Variants in DEFB112 observed in about 807,000 individuals in gnomAD.
DEFB112 encodes the protein beta-defensin 112.
In DEFB112, 2 loss-of-function variants were observed where a neutral mutation model predicts 1.1. The ratio of observed to expected loss-of-function variants is 1.85; its 90% confidence interval spans 0.76 to 5.83. DEFB112 has a LOEUF of 5.83. Among genes scored for constraint, DEFB112 ranks in the 30% most tolerant of loss-of-function variants. The pLI is 0.05. For synonymous variants in DEFB112, 40 were observed against 31.2 expected, an observed-to-expected ratio of 1.28 and a Z score of -0.93; for missense variants, 120 against 94.4, an observed-to-expected ratio of 1.27 and a Z score of -1.12.
Position 50,042,323 on chromosome 6 carries a change from C to T in DEFB112, c.*1252G>A, listed in dbSNP as rs187162154. ...CATATATAATTTGGACACCCAGATG[C>T]TTTTCCCTATGTGCCCAGGTACTGT... On this transcript the variant is annotated 3_prime_UTR_variant, in exon 2 of 2. Transcript: ENST00000651554. Among the ~76,000 whole-genome samples, 2 of 152,098 alleles carry T rather than the reference C, an allele frequency of 1.3e-5. No homozygotes were observed. The highest frequency in any genetic ancestry group is 1.3e-4 in the Admixed American group (2 of 15,250).
At chr6:50,045,804 T>A (rs1345016309) in intron 1 of DEFB112, among the ~76,000 whole-genome samples, 2 of 152,154 alleles carry the variant, frequency 1.3e-5, no homozygotes, top group Non-Finnish European at 2.9e-5. Flanking sequence ...TAATGGTAAG[T>A]ATTTATGTAT....
At chr6:50,044,461 A>G (rs1774801811) in intron 1 of DEFB112, among the ~76,000 whole-genome samples, 1 of 152,078 alleles carries the variant, frequency 6.6e-6, no homozygotes, top group South Asian at 2.1e-4. Flanking sequence ...CCAATGCTAT[A>G]GAAAATTTTT....
At chr6:50,045,686 C>A (rs1175175513) in intron 1 of DEFB112, among the ~76,000 whole-genome samples, 1 of 152,116 alleles carries the variant, frequency 6.6e-6, no homozygotes, top group African/African-American at 2.4e-5. Flanking sequence ...TTACACAAAT[C>A]TAGATGGTAC....
intron 1 of DEFB112, among the ~76,000 whole-genome samples, chr6:50,047,694 C>G (rs1258312192): frequency 2.0e-5 from 3 of 152,154 alleles, no homozygotes; most frequent in African/African-American, 7.2e-5. Flanking sequence ...AGTTCCCAGT[C>G]CCTTATCTAG....
intron 1 of DEFB112, among the ~76,000 whole-genome samples, 173 bp from the exon 2 acceptor site, chr6:50,043,974 T>A (rs1774792275): frequency 6.6e-6 from 1 of 152,084 alleles, no homozygotes; most frequent in African/African-American, 2.4e-5. Context: ...AGTATACAGT[T>A]CCTAAACTGT....
intron 1 of DEFB112, chr6:50,048,537 C>T (rs1853647): frequency 2.5e-6 from 4 of 1,610,132 alleles, no homozygotes; most frequent in Admixed American, 1.7e-5. Context: ...TTTGTTTTAC[C>T]TGTGCTGATT....
Position 50,042,472 on chromosome 6 carries a change from A to T in DEFB112, c.*1103T>A, listed in dbSNP as rs958633740. Among the ~76,000 whole-genome samples, 3 of 152,038 alleles carry T rather than the reference A, an allele frequency of 2.0e-5. 1 individual carries two copies. The highest frequency in any genetic ancestry group is 4.1e-4 in the South Asian group (2 of 4,832). On this transcript the variant is annotated 3_prime_UTR_variant, in exon 2 of 2. Coordinates refer to ENST00000651554, the MANE Select transcript of DEFB112 (RefSeq NM_001369057.2). Reference sequence around the variant, plus strand: ...AAATACCTTGTTACCACATAATTTTAAGTGACTAGCTCCCTTTTCTTCATG... The same window carrying T: ...AAATACCTTGTTACCACATAATTTTTAGTGACTAGCTCCCTTTTCTTCATG...
At chr6:50,046,665 T>C (rs1208577646) in intron 1 of DEFB112, among the ~76,000 whole-genome samples, 1 of 152,154 alleles carries the variant, frequency 6.6e-6, no homozygotes, top group East Asian at 1.9e-4. Context: ...CCTAGCATTT[T>C]CTTATTTATT....
chr6:50,047,538 T>C (rs1774854218), intron 1 of DEFB112, among the ~76,000 whole-genome samples: 1 of 152,202 alleles, frequency 6.6e-6, no homozygotes, highest in African/African-American at 2.4e-5. Flanking sequence ...TCTCACCTGG[T>C]TTCCTTAGCT....
At position 50,043,713 on chromosome 6, in the gene DEFB112, A is replaced by G. The variant is rs1774785762; in HGVS notation, c.147T>C (p.Ser49=). ...TTGCACAGTATGAAATCCTAAATTCACTATCATCACATTGATTTTTACATC... is the reference window on the plus strand; with the variant it reads ...TTGCACAGTATGAAATCCTAAATTCGCTATCATCACATTGATTTTTACATC... ...GGRCKNQCDD[S]EFRISYCARP... Residue 49 remains serine, a synonymous_variant, in exon 2 of 2, where the codon AGT becomes AGC. Transcript: ENST00000651554. 6.2e-7 allele frequency: 1 copy of G among 1,613,390 alleles called. No homozygotes were observed. Among genetic ancestry groups the G allele is most frequent in the Non-Finnish European group, 8.5e-7 (1 of 1,179,590 alleles).
In DEFB112 at chr6:50,042,591, A is replaced by T. The variant is rs1325210712; in HGVS notation, c.*984T>A. ...ACATTCTTTAAGTAATACTTAGCAC[A>T]TACCAAGCCCTGCAAAACCATCACC... On this transcript the variant is annotated 3_prime_UTR_variant, in exon 2 of 2. Transcript: ENST00000651554. 6.6e-6 allele frequency among the ~76,000 whole-genome samples: 1 copy of T among 152,070 alleles called. No individual in the cohort carries two copies. The highest frequency in any genetic ancestry group is 2.4e-5 in the African/African-American group (1 of 41,450).
At position 50,043,142 on chromosome 6, in the gene DEFB112, G is replaced by T. The variant is rs1342377759; in HGVS notation, c.*433C>A. ...CAGGAAGTATAAGCAATATGAGAAA[G>T]TTATGAGGATTTCATAATCCTTCAA... On this transcript the variant is annotated 3_prime_UTR_variant, in exon 2 of 2. Coordinates refer to ENST00000651554, the MANE Select transcript of DEFB112 (RefSeq NM_001369057.2). Among the ~76,000 whole-genome samples, 2 of 152,026 alleles carry T rather than the reference G, an allele frequency of 1.3e-5. No homozygotes were observed. The highest frequency in any genetic ancestry group is 2.1e-4 in the South Asian group (1 of 4,812).
intron 1 of DEFB112, among the ~76,000 whole-genome samples, chr6:50,047,944 G>A (rs945344593): frequency 1.2e-4 from 18 of 151,992 alleles, no homozygotes; most frequent in African/African-American, 3.4e-4. Context: ...TCAGGAGTTC[G>A]CTACCAGCCT....
chr6:50,044,096 A>G (rs187612594), intron 1 of DEFB112, among the ~76,000 whole-genome samples: 2 of 152,130 alleles, frequency 1.3e-5, no homozygotes, highest in African/African-American at 4.8e-5. Context: ...ATTGACTAGA[A>G]CCATTGGATA....
At position 50,045,019 on chromosome 6, in the gene DEFB112, A is replaced by G. The variant is rs533132187; in HGVS notation, c.59-1218T>C. Among the ~76,000 whole-genome samples the G allele has an allele frequency of 2.6e-5, 4 of 152,186 alleles. No homozygotes were observed. In the East Asian group the frequency reaches 5.8e-4, roughly 22 times the overall value. The stretch of plus-strand genomic sequence containing the variant: ...ACTATCAGAGGATATTCCTTTTAAC[A>G]TACTCTGGATTTGCAGTGATGTGTA... On this transcript the variant is annotated intron_variant, in intron 1 of 1. Transcript: ENST00000651554.
At position 50,045,864 on chromosome 6, in the gene DEFB112, A is replaced by G. The variant is rs1258812596; in HGVS notation, c.59-2063T>C. Among the ~76,000 whole-genome samples, 3 of 152,280 alleles carry G rather than the reference A, an allele frequency of 2.0e-5. No individual in the cohort carries two copies. In the East Asian group the frequency reaches 5.8e-4, roughly 29 times the overall value. On this transcript the variant is annotated intron_variant, in intron 1 of 1. Coordinates refer to ENST00000651554, the MANE Select transcript of DEFB112 (RefSeq NM_001369057.2). ...TTGCAGCACATGACTGTTTATACTG[A>G]TAGTCCCCGAATTACAATAATTTGA...
intron 1 of DEFB112, chr6:50,048,416 G>C (rs1774871504): frequency 1.2e-6 from 1 of 820,166 alleles, no homozygotes; most frequent in African/African-American, 1.7e-5. Flanking sequence ...TGAGGTGAAA[G>C]ACAAGAACAT....
intron 1 of DEFB112, among the ~76,000 whole-genome samples, chr6:50,046,221 CTGTGTGTGTGTGTG>C (rs3057286): frequency 1.4e-5 from 2 of 141,166 alleles, no homozygotes; most frequent in African/African-American, 5.2e-5. Context: ...TTGAGGAGCA[CTGTGTGTGTGTGTG>C]TGTGTGTGTG....
chr6:50,043,810 A>C lies in DEFB112; in HGVS notation c.59-9T>G, dbSNP rs1386397972. On this transcript the variant is annotated splice_polypyrimidine_tract_variant and intron_variant, in intron 1 of 1. Coordinates refer to ENST00000651554, the MANE Select transcript of DEFB112 (RefSeq NM_001369057.2). Reference sequence around the variant, plus strand: ...GTGCCCTTCACTTCTGGCTGAAAGAAGGCAAGAACAGCTGGAATTAGTAAT... The same window carrying C: ...GTGCCCTTCACTTCTGGCTGAAAGACGGCAAGAACAGCTGGAATTAGTAAT... The C allele has an allele frequency of 6.2e-7, 1 of 1,611,306 alleles. No individual in the cohort carries two copies. Among genetic ancestry groups the C allele is most frequent in the Admixed American group, 1.7e-5 (1 of 59,954 alleles).
Sources: gnomAD v4.1 joint callset for allele counts (sites outside exome capture counted in the v4.1 genomes callset) on GRCh38, gnomAD v4.1.1 for gene constraint, MANE v1.5 for transcripts, NCBI Gene and HGNC (gene_info 2026-07-23, HGNC 2026-07-21) for gene names.